Variants in FARS2 observed in about 807,000 individuals in gnomAD.
FARS2 encodes phenylalanine--tRNA ligase, mitochondrial.
A neutral mutation model predicts 46.4 loss-of-function variants in FARS2; 40 were observed. The observed-to-expected ratio is 0.86, with a 90% CI of 0.67 to 1.12. FARS2 has a LOEUF of 1.12. Ranked by LOEUF, FARS2 falls within the 50% of genes most tolerant of loss-of-function variation. The pLI is 0.00. For synonymous variants in FARS2, 234 were observed against 214.9 expected, an observed-to-expected ratio of 1.09 and a Z score of -0.78; for missense variants, 513 against 567.9, an observed-to-expected ratio of 0.90 and a Z score of 0.98.
chr6:5,768,600 C>T (rs1280672015), intron 6 of FARS2, among the ~76,000 whole-genome samples: 4 of 152,328 alleles, frequency 2.6e-5, no homozygotes, highest in African/African-American at 9.6e-5. Context: ...CTGTCAATTT[C>T]TAAACAGGCC....
At position 5,377,012 on chromosome 6, in the gene FARS2, T is replaced by C. The variant is rs147143412; in HGVS notation, c.612+7830T>C. Among the ~76,000 whole-genome samples, 578 of 152,316 alleles carry C rather than the reference T, an allele frequency of 3.8e-3. 3 individuals are homozygous for C. The highest frequency in any genetic ancestry group is 0.013 in the African/African-American group (534 of 41,562). ...CAATATTTTATACTTTTTAGGAGCATAGAAGGATTTTGAGACTTACATGTT... is the reference window on the plus strand; with the variant it reads ...CAATATTTTATACTTTTTAGGAGCACAGAAGGATTTTGAGACTTACATGTT... On this transcript the variant is annotated intron_variant, in intron 2 of 6. Transcript: ENST00000274680.
At chr6:5,536,113 G>A (rs1011797776) in intron 4 of FARS2, among the ~76,000 whole-genome samples, 8 of 148,406 alleles carry the variant, frequency 5.4e-5, no homozygotes, top group Admixed American at 4.1e-4. Context: ...GCACAGTGGC[G>A]CGATCTTGGC....
At chr6:5,761,377 A>G (rs1404222444) in intron 6 of FARS2, among the ~76,000 whole-genome samples, 1 of 152,112 alleles carries the variant, frequency 6.6e-6, no homozygotes, top group Non-Finnish European at 1.5e-5. Context: ...CACTCCATGA[A>G]TATGTATGTA....
chr6:5,510,906 G>A (rs887884034), intron 4 of FARS2, among the ~76,000 whole-genome samples: 26 of 152,142 alleles, frequency 1.7e-4, no homozygotes, highest in African/African-American at 4.6e-4. Flanking sequence ...GGGCTTTACC[G>A]GTATGCAGAG....
intron 2 of FARS2, among the ~76,000 whole-genome samples, chr6:5,383,727 A>G (rs1337555179): frequency 6.8e-6 from 1 of 148,010 alleles, no homozygotes; most frequent in Admixed American, 6.7e-5. Flanking sequence ...TCAATTATGT[A>G]TCTTGTGGGT....
chr6:5,416,134 A>T (rs906477056), intron 3 of FARS2, among the ~76,000 whole-genome samples: 5 of 152,210 alleles, frequency 3.3e-5, no homozygotes, highest in Non-Finnish European at 7.4e-5. Flanking sequence ...GAAGTTCTTT[A>T]ACTTTGATGA....
At chr6:5,261,038 C>A (rs900737566), upstream of FARS2, 8 of 863,554 alleles carry the variant, frequency 9.3e-6, no homozygotes, top group African/African-American at 1.3e-4. Context: ...ACCCAGCAGC[C>A]GCTCCACGCG....
chr6:5,378,296 T>A (rs1221092010), intron 2 of FARS2, among the ~76,000 whole-genome samples: 3 of 152,056 alleles, frequency 2.0e-5, no homozygotes. Flanking sequence ...AGGGGCTCCT[T>A]CCACGGAGGC....
intron 6 of FARS2, among the ~76,000 whole-genome samples, chr6:5,662,365 C>A (rs868857597): frequency 1.3e-5 from 2 of 152,126 alleles, no homozygotes; most frequent in Non-Finnish European, 2.9e-5. Flanking sequence ...TTATGAAATC[C>A]AACCATCATT....
At chr6:5,751,662 C>A (rs1761955373) in intron 6 of FARS2, among the ~76,000 whole-genome samples, 1 of 152,170 alleles carries the variant, frequency 6.6e-6, no homozygotes. Flanking sequence ...GCCTGGGCCA[C>A]CCCCAACCCT....
At chr6:5,482,110 A>G (rs2552293) in intron 4 of FARS2, among the ~76,000 whole-genome samples, 109,836 of 151,444 alleles carry the variant, frequency 0.73, 40,920 homozygotes, top group African/African-American at 0.91. Flanking sequence ...GGTAATATCT[A>G]TCTCATAGGA....
rs540344229 is a variant in FARS2 at position 5,334,844 on chromosome 6, C to G, written c.-21-33706C>G. On this transcript the variant is annotated intron_variant, in intron 1 of 6. Coordinates refer to ENST00000274680, the MANE Select transcript of FARS2 (RefSeq NM_006567.5). Reference sequence around the variant, plus strand: ...AAAACAATCCAAAAATATTATCTCTCCAGGAATAAAAATATTATTCTGTCA... The same window carrying G: ...AAAACAATCCAAAAATATTATCTCTGCAGGAATAAAAATATTATTCTGTCA... Among the ~76,000 whole-genome samples, 10 of 152,254 alleles carry G rather than the reference C, an allele frequency of 6.6e-5. No individual in the cohort carries two copies. The South Asian group carries it at 1.9e-3, about 28-fold the overall frequency.
Position 5,733,146 on chromosome 6 carries a change from G to A in FARS2, c.1218-38145G>A, listed in dbSNP as rs552767340. On this transcript the variant is annotated intron_variant, in intron 6 of 6. Transcript: ENST00000274680. ...AAAAATCCTACCCTTCTGCCTCTGC[G>A]GAGATTGAAATTAGATTTTTGAAGA... Among the ~76,000 whole-genome samples the A allele has an allele frequency of 7.2e-5, 11 of 152,266 alleles. No individual in the cohort carries two copies. The East Asian group carries it at 7.7e-4, about 11-fold the overall frequency.
chr6:5,340,239 C>G (rs1225344188), intron 1 of FARS2, among the ~76,000 whole-genome samples: 2 of 152,218 alleles, frequency 1.3e-5, no homozygotes, highest in African/African-American at 4.8e-5. Context: ...TGTTTTTCCA[C>G]ATGGCTTTGC....
At chr6:5,577,472 T>C (rs1426621341) in intron 5 of FARS2, among the ~76,000 whole-genome samples, 2 of 152,080 alleles carry the variant, frequency 1.3e-5, no homozygotes. Flanking sequence ...AATACCACAC[T>C]CCATTAAAAG....
rs919356514 is a variant in FARS2, at chr6:5,311,481, G to A, written c.-22+49821G>A. On this transcript the variant is annotated intron_variant, in intron 1 of 6. Coordinates refer to ENST00000274680, the MANE Select transcript of FARS2 (RefSeq NM_006567.5). The surrounding 1 kb of genome is among the most constrained non-coding windows in gnomAD (Gnocchi z 4.1). ...AACTCAACAGTTATCTGAGTATGATGTTACAGAACTTTTCCCTCTTTTTAC... is the reference window on the plus strand; with the variant it reads ...AACTCAACAGTTATCTGAGTATGATATTACAGAACTTTTCCCTCTTTTTAC... 3.9e-5 allele frequency among the ~76,000 whole-genome samples: 6 copies of A among 152,100 alleles called. No individual in the cohort carries two copies. The highest frequency in any genetic ancestry group is 1.4e-4 in the African/African-American group (6 of 41,412).
chr6:5,427,928 A>C (rs1762940729), intron 3 of FARS2, among the ~76,000 whole-genome samples: 1 of 152,216 alleles, frequency 6.6e-6, no homozygotes, highest in Non-Finnish European at 1.5e-5. Flanking sequence ...CTCATTATAG[A>C]AGTGGTAAAC....
intron 4 of FARS2, among the ~76,000 whole-genome samples, chr6:5,526,169 C>T (rs547429899): frequency 1.8e-4 from 27 of 152,196 alleles, no homozygotes; most frequent in Non-Finnish European, 2.8e-4. Context: ...TTCCTCTCAG[C>T]GCTCAAGTGG....
intron 6 of FARS2, among the ~76,000 whole-genome samples, chr6:5,642,832 C>T (rs1447149531): frequency 4.6e-5 from 7 of 152,204 alleles, no homozygotes; most frequent in African/African-American, 1.7e-4. Context: ...AAAGACAGGA[C>T]CTGTAAGTAA....
Sources: allele counts gnomAD v4.1 joint callset (sites outside exome capture counted in the v4.1 genomes callset), GRCh38; gene constraint gnomAD v4.1.1; non-coding constraint Gnocchi (gnomAD v3.1); transcripts MANE v1.5; gene names NCBI Gene and HGNC (gene_info 2026-07-23, HGNC 2026-07-21).